Variants in C6orf136 observed in about 807,000 individuals in gnomAD.
C6orf136 encodes the protein uncharacterized protein C6orf136.
C6orf136 carries 29 observed loss-of-function variants against 44.0 expected under a neutral mutation model. That is an observed-to-expected ratio of 0.66 (90% CI 0.49 to 0.90). C6orf136 has a LOEUF of 0.90. Among genes scored for constraint, C6orf136 ranks in the 40% least tolerant of loss-of-function variants. C6orf136 has a pLI of 0.00. For synonymous variants in C6orf136, 293 were observed against 278.6 expected (o/e 1.05, Z -0.52); for missense variants, 628 against 669.3 (o/e 0.94, Z 0.68).
In C6orf136 at chr6:30,653,158, T is replaced by G; in HGVS notation, c.*243T>G. On this transcript the variant is annotated 3_prime_UTR_variant, in exon 6 of 6. Transcript: ENST00000651131. ...TCCCAAATGTTCCCACAAGCTTTAT[T>G]CCAAAAATAATTTTATTTAATAGGT... 6.8e-7 allele frequency: 1 copy of G among 1,476,648 alleles called. No individual in the cohort carries two copies. Among genetic ancestry groups the G allele is most frequent in the Non-Finnish European group, 9.1e-7 (1 of 1,100,728 alleles). The allele number at this position is 1,476,648 out of a possible 1,614,324, so 91.5% of individuals were successfully genotyped here. A position where few individuals can be genotyped will look rare whatever the true frequency, so the allele number is the denominator to read the frequency against.
Position 30,647,508 on chromosome 6 carries a change from T to G in C6orf136, c.277T>G (p.Ser93Ala), listed in dbSNP as rs926043544. ...RRCRACRART[S>A]VLPGLRAVRR... ...CTGCCGGGCCTGTCGCGCAAGGACG[T>G]CGGTCCTCCCAGGTTTGAGGGCGGT... The change falls in exon 1 of 6, where the codon TCG (serine) becomes GCG (alanine). Residue 93 changes from serine to alanine, a missense_variant. Physicochemically the swap from Ser to Ala is moderately conservative, Grantham distance 99. Coordinates refer to ENST00000651131, the MANE Select transcript of C6orf136 (RefSeq NM_001161376.2). The surrounding 1 kb of genome is among the most constrained non-coding windows in gnomAD (Gnocchi z 4.8). 9 of 1,504,258 alleles carry G rather than the reference T, an allele frequency of 6.0e-6. No individual in the cohort carries two copies. The highest frequency in any genetic ancestry group is 4.2e-5 in the Admixed American group (2 of 47,360). 93.2% of individuals were successfully genotyped at this position (1,504,258 alleles called of 1,614,324 possible). A position where few individuals can be genotyped will look rare whatever the true frequency, so the allele number is the denominator to read the frequency against.
At chr6:30,650,150 T>C (rs1046120204) in intron 2 of C6orf136, among the ~76,000 whole-genome samples, 191 bp downstream of exon 2, 2 of 151,870 alleles carry the variant, frequency 1.3e-5, no homozygotes, top group Admixed American at 6.6e-5. Context: ...TCCCAGCACT[T>C]TGGGAGGCTT....
In C6orf136 at chr6:30,653,082, A is replaced by G. The variant is rs527576198; in HGVS notation, c.*167A>G. The G allele has an allele frequency of 1.8e-6, 2 of 1,089,470 alleles. No individual in the cohort carries two copies. The highest frequency in any genetic ancestry group is 1.6e-5 in the South Asian group (1 of 62,576). The allele number at this position is 1,089,470 out of a possible 1,614,324, so 67.5% of individuals were successfully genotyped here. On this transcript the variant is annotated 3_prime_UTR_variant, in exon 6 of 6. Coordinates refer to ENST00000651131, the MANE Select transcript of C6orf136 (RefSeq NM_001161376.2). ...CTGTGTAATTTAACTTGTAAATAAT[A>G]AAGTTTAACTGACTATATGAGATAG...
Position 30,647,307 on chromosome 6 carries a change from A to C in C6orf136, c.76A>C (p.Ser26Arg). The stretch of plus-strand genomic sequence containing the variant: ...CGCCTACCAGGCTCGACCCCAGGTG[A>C]GCGGAGGAGAAGAGGGAGGGAGGAG... Reference protein sequence around the residue: ...LRAYQARPQVSGGEEGGRRGG... With the variant: ...LRAYQARPQVRGGEEGGRRGG... Residue 26 changes from serine to arginine, a missense_variant, in exon 1 of 6, where the codon AGC (serine) becomes CGC (arginine). Physicochemically the swap from Ser to Arg is moderately radical, Grantham distance 110. Transcript: ENST00000651131. This position sits in a 1 kb window ranked among gnomAD's most constrained non-coding sequence, Gnocchi z 4.8. The C allele has an allele frequency of 1.3e-6, 2 of 1,595,682 alleles. No individual in the cohort carries two copies. Among genetic ancestry groups the C allele is most frequent in the Non-Finnish European group, 1.7e-6 (2 of 1,173,462 alleles).
chr6:30,649,093 G>A (rs1767165404), intron 1 of C6orf136, among the ~76,000 whole-genome samples: 1 of 152,144 alleles, frequency 6.6e-6, no homozygotes, highest in Non-Finnish European at 1.5e-5. Context: ...GGCTGGGCGC[G>A]GTGGCCCACG....
Position 30,651,337 on chromosome 6 carries a change from G to GT in C6orf136, c.1181dup (p.Leu394PhefsTer11). 6.2e-7 allele frequency: 1 copy of GT among 1,613,926 alleles called. No individual in the cohort carries two copies. The highest frequency in any genetic ancestry group is 8.5e-7 in the Non-Finnish European group (1 of 1,180,006). On this transcript the variant is annotated frameshift_variant, in exon 4 of 6. Coordinates refer to ENST00000651131, the MANE Select transcript of C6orf136 (RefSeq NM_001161376.2). LOFTEE classifies it high-confidence loss of function. The stretch of plus-strand genomic sequence containing the variant: ...GCCTGGAATTATTTTGCACACCTTC[G>GT]TTTGGAGGTTTTACAGCTGACCCGC...
chr6:30,649,393 C>T (rs545219416), intron 1 of C6orf136, among the ~76,000 whole-genome samples, 165 bp from the exon 2 acceptor site: 18 of 152,256 alleles, frequency 1.2e-4, no homozygotes, highest in Admixed American at 3.9e-4. Context: ...TGGTTTCCTC[C>T]TGTTTTCAGT....
chr6:30,647,214 C>T lies in C6orf136; in HGVS notation c.-18C>T. ...GGAGGTCGGACTCAGGAGGCTCCTT[C>T]TCCACTCCCGGAAGATCATGTACCA... On this transcript the variant is annotated 5_prime_UTR_variant, in exon 1 of 6. Coordinates refer to ENST00000651131, the MANE Select transcript of C6orf136 (RefSeq NM_001161376.2). This position sits in a 1 kb window ranked among gnomAD's most constrained non-coding sequence, Gnocchi z 4.8. 1.3e-6 allele frequency: 2 copies of T among 1,565,356 alleles called. No homozygotes were observed. Among genetic ancestry groups the T allele is most frequent in the Non-Finnish European group, 1.7e-6 (2 of 1,161,928 alleles).
chr6:30,649,941 T>C lies in C6orf136; in HGVS notation c.999T>C (p.Tyr333=). The change falls in exon 2 of 6, where the codon TAT becomes TAC. Residue 333 remains tyrosine (Y), a synonymous_variant. Coordinates refer to ENST00000651131, the MANE Select transcript of C6orf136 (RefSeq NM_001161376.2). ...PSMEEHLSVM[Y]ERLRQELPKL... ...TGGAGGAACATCTGTCTGTCATGTA[T>C]GAGAGACTGAGACAAGAGGTAAGTC... 6.2e-7 allele frequency: 1 copy of C among 1,613,410 alleles called. No homozygotes were observed. Among genetic ancestry groups the C allele is most frequent in the Non-Finnish European group, 8.5e-7 (1 of 1,179,898 alleles).
At chr6:30,650,650 G>A (rs963729659) in intron 2 of C6orf136, among the ~76,000 whole-genome samples, 1 of 152,086 alleles carries the variant, frequency 6.6e-6, no homozygotes, top group South Asian at 2.1e-4. Flanking sequence ...GGGCATGGTG[G>A]TGGGTGCCTG....
chr6:30,651,444 C>T lies in C6orf136; in HGVS notation c.1285C>T (p.Arg429Cys), dbSNP rs145813113. The change falls in exon 4 of 6, where the codon CGT becomes TGT. Residue 429 changes from arginine to cysteine, a missense_variant. Around this residue, in one of 2 missense-constraint regions of C6orf136, gnomAD observed 131 missense variants for 200.1 expected, o/e 0.65. Coordinates refer to ENST00000651131, the MANE Select transcript of C6orf136 (RefSeq NM_001161376.2). ...VHLLFLRFYK[R>C]DKDEHYRTYD... The stretch of plus-strand genomic sequence containing the variant: ...CTTGCTCTTTTTGCGGTTCTACAAG[C>T]GTGACAAAGACGAGCATTACCGGTA... The T allele has an allele frequency of 5.9e-4, 955 of 1,609,828 alleles. 7 individuals are homozygous for T. In the Admixed American group the frequency reaches 0.015, roughly 26 times the overall value.
rs764440896 is a variant in C6orf136 at position 30,649,949 on chromosome 6, TG to T, written c.1008del (p.Arg337AspfsTer42). 6.2e-7 allele frequency: 1 copy of T among 1,613,162 alleles called. No individual in the cohort carries two copies. The highest frequency in any genetic ancestry group is 8.5e-7 in the Non-Finnish European group (1 of 1,179,840). ...CATCTGTCTGTCATGTATGAGAGAC[TG>T]AGACAAGAGGTAAGTCAGTGCAAAA... is the stretch of plus-strand genomic sequence containing the variant. ...EEHLSVMYERLRQELPKLFLQ... is the reference protein window; with the variant it reads ...EEHLSVMYERXRQELPKLFLQ... On this transcript the variant is annotated frameshift_variant, in exon 2 of 6. Coordinates refer to ENST00000651131, the MANE Select transcript of C6orf136 (RefSeq NM_001161376.2). LOFTEE classifies it high-confidence loss of function.
Position 30,647,602 on chromosome 6 carries a change from C to T in C6orf136, c.371C>T (p.Pro124Leu). ...CCCGACTCTCCGCGGTTACCTGTGC[C>T]TAGAGGTGATTTGAAGGGCAGGGGC... The part of the protein sequence containing the change: ...VAPDSPRLPV[P>L]RGDLKGRGRE... The change falls in exon 1 of 6, where the codon CCT becomes CTT. Residue 124 changes from proline to leucine, a missense_variant. By Grantham distance (98) the Pro-to-Leu change is moderately conservative (BLOSUM62 -3). Transcript: ENST00000651131. The surrounding 1 kb of genome is among the most constrained non-coding windows in gnomAD (Gnocchi z 4.8). 1 of 1,549,252 alleles carries T rather than the reference C, an allele frequency of 6.5e-7. No individual in the cohort carries two copies. Among genetic ancestry groups the T allele is most frequent in the Non-Finnish European group, 8.7e-7 (1 of 1,146,138 alleles).
At position 30,647,696 on chromosome 6, in the gene C6orf136, C is replaced by T. The variant is rs1766987987; in HGVS notation, c.465C>T (p.Arg155=). 2.6e-6 allele frequency: 4 copies of T among 1,550,142 alleles called. No homozygotes were observed. Among genetic ancestry groups the T allele is most frequent in the Non-Finnish European group, 3.5e-6 (4 of 1,146,710 alleles). The change falls in exon 1 of 6, where the codon CGC becomes CGT. Residue 155 remains arginine (R), a synonymous_variant. Coordinates refer to ENST00000651131, the MANE Select transcript of C6orf136 (RefSeq NM_001161376.2). The surrounding 1 kb of genome is among the most constrained non-coding windows in gnomAD (Gnocchi z 4.8). ...SSPAQTRPAG[R]PQQPARLALG... Reference sequence around the variant, plus strand: ...CGGCCCAGACCAGACCCGCGGGGCGCCCTCAGCAGCCCGCCCGTCTTGCAC... The same window carrying T: ...CGGCCCAGACCAGACCCGCGGGGCGTCCTCAGCAGCCCGCCCGTCTTGCAC...
Position 30,651,056 on chromosome 6 carries a change from C to T in C6orf136, c.1080C>T (p.Ile360=). 1 of 1,614,060 alleles carries T rather than the reference C, an allele frequency of 6.2e-7. No homozygotes were observed. The highest frequency in any genetic ancestry group is 1.1e-5 in the South Asian group (1 of 91,084). The change falls in exon 3 of 6, where the codon ATC becomes ATT. Residue 360 remains isoleucine (I), a synonymous_variant. Coordinates refer to ENST00000651131, the MANE Select transcript of C6orf136 (RefSeq NM_001161376.2). ...TGTATTCCTTGGATGTGGAATTCAT[C>T]AATGAGATCCTCAACATACGTACCA... ...YSLYSLDVEF[I]NEILNIRTKG... is the part of the protein sequence containing the mutation.
chr6:30,648,508 C>T (rs1221303835), intron 1 of C6orf136, among the ~76,000 whole-genome samples: 2 of 151,258 alleles, frequency 1.3e-5, no homozygotes, highest in African/African-American at 4.9e-5. Flanking sequence ...AAGCAATTCT[C>T]CTTCCTCAGC....
Position 30,651,397 on chromosome 6 carries a change from G to A in C6orf136, c.1238G>A (p.Arg413Gln), listed in dbSNP as rs757707277. ...AACTGGACCCTGCAAGCCCGGTGGC[G>A]GCTTGTGGGGCTGCCCGTCCACTTG... The part of the protein sequence containing the change: ...PENWTLQARW[R>Q]LVGLPVHLLF... Residue 413 changes from arginine (R) to glutamine (Q), a missense_variant, in exon 4 of 6, where the codon CGG (arginine) becomes CAG (glutamine). This residue lies in a region of C6orf136 where 131 missense variants were observed against 200.1 expected (regional missense o/e 0.65). Transcript: ENST00000651131. 2.2e-5 allele frequency: 35 copies of A among 1,613,330 alleles called. 1 individual carries two copies. The highest frequency in any genetic ancestry group is 8.9e-5 in the East Asian group (4 of 44,904).
intron 1 of C6orf136, among the ~76,000 whole-genome samples, chr6:30,648,711 A>G (rs1767120957): frequency 7.3e-6 from 1 of 137,274 alleles, no homozygotes; most frequent in East Asian, 2.8e-4. Context: ...CATTTCTTTA[A>G]GATTCCAACA....
At chr6:30,652,759 T>G in intron 5 of C6orf136, 42 bp downstream of exon 5, 1 of 1,612,110 alleles carries the variant, frequency 6.2e-7, no homozygotes, top group Non-Finnish European at 8.5e-7. Flanking sequence ...GGGTAGAACA[T>G]TTGTGTGCCT....
Sources: allele counts gnomAD v4.1 joint callset (sites outside exome capture counted in the v4.1 genomes callset), GRCh38; gene constraint gnomAD v4.1.1; regional missense constraint gnomAD v4.1.1; non-coding constraint Gnocchi (gnomAD v3.1); transcripts MANE v1.5; gene names NCBI Gene and HGNC (gene_info 2026-07-23, HGNC 2026-07-21).